Variants in SCD5 observed in about 807,000 individuals in gnomAD.
SCD5 encodes the protein acyl-CoA-desaturase 4.
Under a neutral mutation model 30.4 loss-of-function variants are expected in SCD5, and 20 were observed. The observed-to-expected ratio is 0.66, with a 90% CI of 0.46 to 0.96. SCD5 has a LOEUF of 0.96. Ranked by LOEUF, SCD5 falls within the 40% of genes least tolerant of loss-of-function variation. SCD5 has a pLI of 0.00. For synonymous variants in SCD5, 173 were observed against 176.4 expected (o/e 0.98, Z 0.16); for missense variants, 381 against 443.3 (o/e 0.86, Z 1.26).
chr4:82,672,879 G>C (rs1489694059), intron 3 of SCD5, among the ~76,000 whole-genome samples: 2 of 151,986 alleles, frequency 1.3e-5, no homozygotes, highest in Non-Finnish European at 2.9e-5. Context: ...GGTATGCAAG[G>C]CTGGTTCAAA....
intron 1 of SCD5, among the ~76,000 whole-genome samples, chr4:82,792,906 A>C (rs375392921): frequency 7.2e-5 from 11 of 152,336 alleles, no homozygotes; most frequent in Admixed American, 3.3e-4. Flanking sequence ...TCATGGTCAC[A>C]GTGCCGTCTG....
chr4:82,672,105 T>A (rs1728340014), intron 3 of SCD5, among the ~76,000 whole-genome samples: 1 of 151,714 alleles, frequency 6.6e-6, no homozygotes, highest in Non-Finnish European at 1.5e-5. Flanking sequence ...AGGAAAAAAA[T>A]ATCTAAAATC....
intron 1 of SCD5, among the ~76,000 whole-genome samples, chr4:82,786,855 G>A (rs7684687): frequency 0.27 from 40,032 of 150,640 alleles, 6,173 homozygotes; most frequent in African/African-American, 0.43. Flanking sequence ...CAGGAGCAAC[G>A]TAGATCAAGC....
At position 82,798,656 on chromosome 4, in the gene SCD5, TC is replaced by T. The variant is rs1722288164; in HGVS notation, c.-120del. On this transcript the variant is annotated 5_prime_UTR_variant, in exon 1 of 5. Transcript: ENST00000319540. ...AGGGGGGAATTCTCCGCACGTCCAG[TC>T]CCCTCCTTCCAGCCCTTCTCCCGGG... The T allele has an allele frequency of 2.4e-6, 2 of 823,382 alleles. No individual in the cohort carries two copies. The highest frequency in any genetic ancestry group is 2.9e-5 in the Admixed American group (1 of 34,256). 51.0% of individuals were successfully genotyped at this position (823,382 alleles called of 1,614,324 possible).
chr4:82,758,592 G>A (rs1232104419), intron 1 of SCD5, among the ~76,000 whole-genome samples: 5 of 152,172 alleles, frequency 3.3e-5, no homozygotes, highest in Admixed American at 6.5e-5. Flanking sequence ...TTTGAGGGAC[G>A]TAATATGACC....
chr4:82,700,251 T>C lies in SCD5; in HGVS notation c.363+5032A>G, dbSNP rs11939879. Among the ~76,000 whole-genome samples, 1,350 of 152,032 alleles carry C rather than the reference T, an allele frequency of 8.9e-3. 19 individuals carry two copies. The highest frequency in any genetic ancestry group is 0.027 in the African/African-American group (1,138 of 41,480). ...AAAAAAGAAAAAGAAAATATTTAAG[T>C]AATAATGGCTGAGAATTTTCCGAAT... On this transcript the variant is annotated intron_variant, in intron 2 of 4. Coordinates refer to ENST00000319540, the MANE Select transcript of SCD5 (RefSeq NM_001037582.3).
At chr4:82,712,015 T>A (rs1039473821) in intron 1 of SCD5, among the ~76,000 whole-genome samples, 18 of 151,412 alleles carry the variant, frequency 1.2e-4, no homozygotes, top group African/African-American at 3.6e-4. Context: ...GACTGAGAGC[T>A]TTCTATGTGC....
At chr4:82,702,128 A>ATTTTTTTT (rs1162863297) in intron 2 of SCD5, among the ~76,000 whole-genome samples, 2 of 84,800 alleles carry the variant, frequency 2.4e-5, no homozygotes, top group African/African-American at 4.4e-5. Context: ...CCCCATCATC[A>ATTTTTTTT]TCTTTTTTTT....
At chr4:82,680,367 G>A (rs1295288708) in intron 3 of SCD5, among the ~76,000 whole-genome samples, 1 of 152,124 alleles carries the variant, frequency 6.6e-6, no homozygotes, top group Non-Finnish European at 1.5e-5. Context: ...AATGAAGCCA[G>A]CCCCCCTTCT....
At chr4:82,636,947 C>T (rs971987761) in intron 3 of SCD5, 124 bp from the exon 4 acceptor site, 11 of 750,636 alleles carry the variant, frequency 1.5e-5, no homozygotes, top group East Asian at 2.7e-5. Flanking sequence ...GCTCCTTCAA[C>T]GCTTTCTATA....
At chr4:82,779,680 T>C (rs1046929062) in intron 1 of SCD5, among the ~76,000 whole-genome samples, 3 of 152,174 alleles carry the variant, frequency 2.0e-5, no homozygotes, top group Non-Finnish European at 2.9e-5. Context: ...CCTTAACAGC[T>C]CTGTGACCTT....
At chr4:82,747,059 TG>T (rs1364300148) in intron 1 of SCD5, among the ~76,000 whole-genome samples, 2 of 99,954 alleles carry the variant, frequency 2.0e-5, no homozygotes, top group East Asian at 4.9e-4. Context: ...GAGAAAAGTC[TG>T]GGCAACCTGC....
At chr4:82,668,272 G>A (rs1560529001) in intron 3 of SCD5, among the ~76,000 whole-genome samples, 3 of 152,106 alleles carry the variant, frequency 2.0e-5, no homozygotes, top group African/African-American at 7.2e-5. Flanking sequence ...AAGAGGGAGT[G>A]AACCGAGAAA....
chr4:82,749,909 T>C (rs539433256), intron 1 of SCD5, among the ~76,000 whole-genome samples: 1 of 152,362 alleles, frequency 6.6e-6, no homozygotes, highest in African/African-American at 2.4e-5. Flanking sequence ...ATTATATTTA[T>C]TTCAGAGGCA....
chr4:82,762,009 C>CA (rs1364160703), intron 1 of SCD5, among the ~76,000 whole-genome samples: 1 of 151,422 alleles, frequency 6.6e-6, no homozygotes, highest in Non-Finnish European at 1.5e-5. Flanking sequence ...CCCATCTCTA[C>CA]AAAAAAATAC....
chr4:82,657,836 T>C (rs534230867), intron 3 of SCD5, among the ~76,000 whole-genome samples: 115 of 152,352 alleles, frequency 7.5e-4, no homozygotes, highest in African/African-American at 2.7e-3. Flanking sequence ...GTTGTATTCC[T>C]AGGTATTTCA....
intron 1 of SCD5, among the ~76,000 whole-genome samples, chr4:82,743,056 C>T (rs567756172): frequency 6.6e-6 from 1 of 152,254 alleles, no homozygotes; most frequent in South Asian, 2.1e-4. Flanking sequence ...CAGCCCTTTC[C>T]ACTGAGACTC....
intron 1 of SCD5, among the ~76,000 whole-genome samples, chr4:82,752,363 C>T (rs536114528): frequency 4.6e-5 from 7 of 151,484 alleles, no homozygotes; most frequent in Non-Finnish European, 8.8e-5. Context: ...AGCACAGGGA[C>T]GTGGGAATAG....
At chr4:82,686,707 C>T (rs1728714316) in intron 2 of SCD5, among the ~76,000 whole-genome samples, 3 of 152,066 alleles carry the variant, frequency 2.0e-5, no homozygotes, top group Admixed American at 6.6e-5. Flanking sequence ...AGTGTTACCT[C>T]ATGGGAATGA....
Sources: gnomAD v4.1 joint callset for allele counts (sites outside exome capture counted in the v4.1 genomes callset) on GRCh38, gnomAD v4.1.1 for gene constraint, MANE v1.5 for transcripts, NCBI Gene and HGNC (gene_info 2026-07-23, HGNC 2026-07-21) for gene names.